The following NEDD9 variants were observed in gnomAD, a reference collection of about 807,000 sequenced individuals.
The protein encoded by NEDD9 is enhancer of filamentation 1.
NEDD9 carries 26 observed loss-of-function variants against 76.6 expected under a neutral mutation model. The ratio of observed to expected loss-of-function variants is 0.34; its 90% CI spans 0.25 to 0.47. The LOEUF is 0.47. Among genes scored for constraint, NEDD9 ranks in the 20% least tolerant of loss-of-function variants. The pLI is 1.00. For missense variants in NEDD9, 937 were observed against 1,058.5 expected, an observed-to-expected ratio of 0.89 and a Z score of 1.59; for synonymous variants, 392 against 414.2, an observed-to-expected ratio of 0.95 and a Z score of 0.65.
intron 3 of NEDD9, among the ~76,000 whole-genome samples, chr6:11,246,578 C>T (rs528828729): frequency 1.8e-4 from 27 of 152,282 alleles, no homozygotes; most frequent in African/African-American, 6.0e-4. Context: ...AAGCCTGCCT[C>T]GAATTTTCAC....
At chr6:11,291,193 G>A (rs1053660154) in intron 3 of NEDD9, among the ~76,000 whole-genome samples, 1 of 151,806 alleles carries the variant, frequency 6.6e-6, no homozygotes, top group Admixed American at 6.6e-5. Context: ...CACTATCCTC[G>A]TGAAGGTGCT....
At chr6:11,192,091 G>A (rs1432315221) in intron 4 of NEDD9, among the ~76,000 whole-genome samples, 1 of 152,088 alleles carries the variant, frequency 6.6e-6, no homozygotes, top group Non-Finnish European at 1.5e-5. Context: ...CCTGCCAAAG[G>A]GTTATCCTTA....
At chr6:11,201,021 G>A (rs1476454253) in intron 2 of NEDD9, 3 of 1,614,198 alleles carry the variant, frequency 1.9e-6, no homozygotes, top group East Asian at 2.2e-5. Flanking sequence ...TAAGAAATAG[G>A]ACACTTGCCC....
rs116635837 is a variant in NEDD9, at chr6:11,324,029, G to A, written c.-153+10472C>T. Among the ~76,000 whole-genome samples, 485 of 152,304 alleles carry A rather than the reference G, an allele frequency of 3.2e-3. 2 individuals are homozygous for A. The highest frequency in any genetic ancestry group is 0.011 in the African/African-American group (461 of 41,550). On this transcript the variant is annotated intron_variant, in intron 2 of 3. Transcript: ENST00000397378. ...AGAGGAGCTGGAAGACCACGCTGAGGAGCCACGTCCAGACACATGAAACGA... is the reference window on the plus strand; with the variant it reads ...AGAGGAGCTGGAAGACCACGCTGAGAAGCCACGTCCAGACACATGAAACGA...
intron 3 of NEDD9, among the ~76,000 whole-genome samples, chr6:11,239,985 AGT>A (rs1189673920): frequency 6.7e-6 from 1 of 149,504 alleles, no homozygotes; most frequent in African/African-American, 2.5e-5. Flanking sequence ...CGGAGATTTC[AGT>A]GAGCCAAGAT....
intron 3 of NEDD9, among the ~76,000 whole-genome samples, chr6:11,268,544 A>G (rs1760242415): frequency 6.6e-6 from 1 of 152,264 alleles, no homozygotes; most frequent in South Asian, 2.1e-4. Flanking sequence ...CCTGGCCACC[A>G]TGGTGAAACC....
At chr6:11,368,305 A>G (rs1002438200) in intron 1 of NEDD9, among the ~76,000 whole-genome samples, 2 of 152,242 alleles carry the variant, frequency 1.3e-5, no homozygotes, top group Non-Finnish European at 2.9e-5. Flanking sequence ...TCTATCAACT[A>G]TATTTATTCC....
At chr6:11,378,278 C>A (rs764632954) in intron 1 of NEDD9, among the ~76,000 whole-genome samples, 6 of 151,920 alleles carry the variant, frequency 3.9e-5, no homozygotes, top group Non-Finnish European at 7.4e-5. Context: ...GAGTGTGGCA[C>A]CTCCCAGCTT....
upstream of NEDD9, among the ~76,000 whole-genome samples, chr6:11,234,111 A>C (rs1759552432): frequency 6.6e-6 from 1 of 152,208 alleles, no homozygotes; most frequent in African/African-American, 2.4e-5. Context: ...TGAGGTTGAC[A>C]TACCTGTTCC....
At chr6:11,256,727 G>A (rs1336537283) in intron 3 of NEDD9, among the ~76,000 whole-genome samples, 2 of 152,208 alleles carry the variant, frequency 1.3e-5, no homozygotes, top group Non-Finnish European at 2.9e-5. Context: ...ACCTCCCAAA[G>A]TGCTGGGATT....
At chr6:11,310,626 TGA>T (rs1282575909) in intron 2 of NEDD9, among the ~76,000 whole-genome samples, 1 of 152,198 alleles carries the variant, frequency 6.6e-6, no homozygotes, top group African/African-American at 2.4e-5. Context: ...CTAATTAAAA[TGA>T]GAGTAGATTA....
At chr6:11,341,406 C>A (rs1012475961) in intron 1 of NEDD9, among the ~76,000 whole-genome samples, 5 of 152,230 alleles carry the variant, frequency 3.3e-5, no homozygotes, top group Admixed American at 2.0e-4. Context: ...AAAGACAAAG[C>A]CCTAGAAGTC....
intron 1 of NEDD9, among the ~76,000 whole-genome samples, chr6:11,337,087 G>A (rs1762176384): frequency 1.3e-5 from 2 of 152,152 alleles, no homozygotes; most frequent in Non-Finnish European, 2.9e-5. Context: ...ACGTGGTGGA[G>A]CATGCCTGTG....
rs200144366 is a variant in NEDD9 at position 11,191,111 on chromosome 6, G to A, written c.758C>T (p.Pro253Leu). 18 of 1,613,816 alleles carry A rather than the reference G, an allele frequency of 1.1e-5. No homozygotes were observed. The highest frequency in any genetic ancestry group is 6.7e-5 in the Admixed American group (4 of 59,986). Residue 253 changes from proline to leucine, a missense_variant, in exon 5 of 7, where the codon CCG becomes CTG. Physicochemically the swap from Pro to Leu is moderately conservative, Grantham distance 98 (BLOSUM62 -3). Transcript: ENST00000379446. ...ATAAACCCCCTCCGGTCTGAGGTCC[G>A]GCCTTCCAGCTTGTCTCATGGGAGG... is the stretch of plus-strand genomic sequence containing the variant. ...FPPPMRQAGR[P>L]DLRPEGVYDI...
At chr6:11,318,415 G>A (rs997582327) in intron 2 of NEDD9, among the ~76,000 whole-genome samples, 5 of 152,154 alleles carry the variant, frequency 3.3e-5, no homozygotes, top group African/African-American at 4.8e-5. Context: ...CAGCCTCTGT[G>A]CTTTGCAAGT....
intron 1 of NEDD9, among the ~76,000 whole-genome samples, chr6:11,340,557 G>T (rs1762252423): frequency 6.6e-6 from 1 of 152,164 alleles, no homozygotes; most frequent in Non-Finnish European, 1.5e-5. Context: ...AAGAAAGACA[G>T]TTGAAGTCAC....
chr6:11,314,514 A>G (rs1272512536), intron 2 of NEDD9, among the ~76,000 whole-genome samples: 2 of 152,198 alleles, frequency 1.3e-5, no homozygotes, highest in Non-Finnish European at 2.9e-5. Flanking sequence ...TATAGATTGA[A>G]ATAAGCATGA....
intron 3 of NEDD9, among the ~76,000 whole-genome samples, chr6:11,276,013 A>G (rs1389579261): frequency 6.6e-6 from 1 of 152,262 alleles, no homozygotes; most frequent in Non-Finnish European, 1.5e-5. Context: ...ATCATAAGAA[A>G]TCATCTCAAG....
intron 3 of NEDD9, among the ~76,000 whole-genome samples, chr6:11,304,623 G>T (rs538515502): frequency 5.9e-5 from 9 of 152,318 alleles, no homozygotes; most frequent in Admixed American, 1.3e-4. Flanking sequence ...ATACTATGCA[G>T]TCATAAAAAA....
Sources: allele counts gnomAD v4.1 joint callset (sites outside exome capture counted in the v4.1 genomes callset), GRCh38; gene constraint gnomAD v4.1.1; transcripts MANE v1.5; gene names NCBI Gene and HGNC (gene_info 2026-07-23, HGNC 2026-07-21).